ZDHHC18: variants seen among roughly 807,000 people sequenced by gnomAD.
The protein encoded by ZDHHC18 is zDHHC palmitoyltransferase 18.
Under a neutral mutation model 37.5 loss-of-function variants are expected in ZDHHC18, and 23 were observed. The ratio of observed to expected loss-of-function variants is 0.61; its 90% CI spans 0.44 to 0.87. The LOEUF (loss-of-function observed/expected upper bound fraction) is 0.87. ZDHHC18 is among the 40% of genes least tolerant of loss of function. The probability of loss-of-function intolerance (pLI) is 0.00; values close to 1 mark genes in which losing one functional copy is unlikely to be tolerated. For synonymous variants in ZDHHC18, 185 were observed against 218.7 expected (o/e 0.85, Z 1.36); for missense variants, 406 against 525.6 (o/e 0.77, Z 2.22).
intron 2 of ZDHHC18, among the ~76,000 whole-genome samples, chr1:26,844,772 G>A (rs1247094856): frequency 6.6e-6 from 1 of 152,090 alleles, no homozygotes; most frequent in African/African-American, 2.4e-5. Flanking sequence ...TTTCCTCGCT[G>A]ACTAATGAAT....
At chr1:26,838,434 C>T (rs1391279467) in intron 2 of ZDHHC18, among the ~76,000 whole-genome samples, 1 of 152,232 alleles carries the variant, frequency 6.6e-6, no homozygotes, top group Non-Finnish European at 1.5e-5. Context: ...CGAGCCACTG[C>T]ACTCGGCCTG....
At chr1:26,853,426 T>C (rs992404991) in intron 7 of ZDHHC18, among the ~76,000 whole-genome samples, 2 of 152,226 alleles carry the variant, frequency 1.3e-5, no homozygotes, top group African/African-American at 4.8e-5. Context: ...AGTCATCAAA[T>C]ACCTATTCAT....
chr1:26,835,088 G>A (rs1380640236), intron 2 of ZDHHC18, among the ~76,000 whole-genome samples: 1 of 152,230 alleles, frequency 6.6e-6, no homozygotes, highest in Non-Finnish European at 1.5e-5. Flanking sequence ...CAGGAGCTGT[G>A]CGGAGGCAGC....
Position 26,826,788 on chromosome 1 carries a change from G to A in ZDHHC18, c.-17G>A. The A allele has an allele frequency of 2.0e-6, 2 of 979,220 alleles. No individual in the cohort carries two copies. Among genetic ancestry groups the A allele is most frequent in the South Asian group, 9.1e-5 (2 of 22,076 alleles). The allele number at this position is 979,220 out of a possible 1,614,324, so 60.7% of individuals were successfully genotyped here. ...GCCGGCCCGCGGGGCGCGGAGCCGA[G>A]GCCCGCGGCTGGCTGCATGAAGGAC... On this transcript the variant is annotated 5_prime_UTR_variant, in exon 1 of 8. Transcript: ENST00000374142. The surrounding 1 kb of genome is among the most constrained non-coding windows in gnomAD (Gnocchi z 5.2).
intron 2 of ZDHHC18, among the ~76,000 whole-genome samples, chr1:26,837,202 G>A (rs2081615913): frequency 6.8e-6 from 1 of 147,418 alleles, no homozygotes; most frequent in South Asian, 2.1e-4. Flanking sequence ...GCAGTGAGCC[G>A]AGATGGCGCC....
At chr1:26,842,275 C>T (rs1315955579) in intron 2 of ZDHHC18, among the ~76,000 whole-genome samples, 6 of 152,228 alleles carry the variant, frequency 3.9e-5, no homozygotes, top group Admixed American at 3.9e-4. Flanking sequence ...CTATGCTTGG[C>T]CCTGTGAGTT....
At chr1:26,833,375 G>A (rs1230178485) in intron 2 of ZDHHC18, among the ~76,000 whole-genome samples, 1 of 152,142 alleles carries the variant, frequency 6.6e-6, no homozygotes, top group Non-Finnish European at 1.5e-5. Flanking sequence ...TGACGGTGGG[G>A]TTATCTAGGG....
rs2081699863 is a variant in ZDHHC18, at chr1:26,850,817, C to T, written c.833+211C>T. Among the ~76,000 whole-genome samples, 1 of 152,168 alleles carries T rather than the reference C, an allele frequency of 6.6e-6. No individual in the cohort carries two copies. Among genetic ancestry groups the T allele is most frequent in the Non-Finnish European group, 1.5e-5 (1 of 68,034 alleles). ...CCGGGGGTTCCTCGTCTTCAGGGGC[C>T]TGGAAAAGAGTATGTCCCTTAAGAT... On this transcript the variant is annotated intron_variant, in intron 5 of 7. Coordinates refer to ENST00000374142, the MANE Select transcript of ZDHHC18 (RefSeq NM_032283.3). The surrounding 1 kb of genome is among the most constrained non-coding windows in gnomAD (Gnocchi z 6.1).
At position 26,843,051 on chromosome 1, in the gene ZDHHC18, A is replaced by T. The variant is rs548175309; in HGVS notation, c.497-5557A>T. Among the ~76,000 whole-genome samples the T allele has an allele frequency of 2.6e-5, 4 of 152,186 alleles. No homozygotes were observed. The South Asian group carries it at 8.3e-4, about 32-fold the overall frequency. ...GGTGAAGTTTTGGGCTTTGCATATG[A>T]CACACCTAGGTTAGAGTCCTGCTCT... On this transcript the variant is annotated intron_variant, in intron 2 of 7. Transcript: ENST00000374142.
intron 2 of ZDHHC18, among the ~76,000 whole-genome samples, chr1:26,844,101 G>A (rs1399097407): frequency 2.6e-5 from 4 of 152,014 alleles, no homozygotes; most frequent in Non-Finnish European, 5.9e-5. Context: ...GTGCAATGGC[G>A]TGATTTCAGC....
chr1:26,844,926 G>GT (rs35017323), intron 2 of ZDHHC18, among the ~76,000 whole-genome samples: 301 of 140,926 alleles, frequency 2.1e-3, no homozygotes, highest in African/African-American at 3.7e-3. Flanking sequence ...TTTTTTTTTG[G>GT]TTTTTTTTTT....
rs570039229 is a variant in ZDHHC18, at chr1:26,856,472, G to T, written c.*2629G>T. 8.0e-6 allele frequency: 2 copies of T among 251,164 alleles called. No individual in the cohort carries two copies. The highest frequency in any genetic ancestry group is 3.5e-5 in the South Asian group (1 of 28,544). The allele number at this position is 251,164 out of a possible 1,614,324, so 15.6% of individuals were successfully genotyped here. Reference sequence around the variant, plus strand: ...GCAAGGCTAAAAGCCCAGCCCCATTGTGGACTGAGGAAGTAGCTTCTCGCA... The same window carrying T: ...GCAAGGCTAAAAGCCCAGCCCCATTTTGGACTGAGGAAGTAGCTTCTCGCA... On this transcript the variant is annotated 3_prime_UTR_variant, in exon 8 of 8. Coordinates refer to ENST00000374142, the MANE Select transcript of ZDHHC18 (RefSeq NM_032283.3). The surrounding 1 kb of genome is among the most constrained non-coding windows in gnomAD (Gnocchi z 5.2).
rs752222624 is a variant in ZDHHC18 at position 26,832,470 on chromosome 1, T to A, written c.359T>A (p.Leu120Gln). 4 of 1,614,160 alleles carry A rather than the reference T, an allele frequency of 2.5e-6. No individual in the cohort carries two copies. In the South Asian group the frequency reaches 4.4e-5, roughly 18 times the overall value. ...VFDCPYLARK[L>Q]TLAIPIIAAI... ...AGCTGTCCCTACCTGGCTCGCAAGC[T>A]GACCCTTGCCATCCCCATCATCGCT... is the stretch of plus-strand genomic sequence containing the variant. The change falls in exon 2 of 8, where the codon CTG (leucine) becomes CAG (glutamine). Residue 120 changes from leucine (L) to glutamine (Q), a missense_variant. Leu to Gln is a moderately radical substitution (Grantham distance 113). Transcript: ENST00000374142.
intron 3 of ZDHHC18, among the ~76,000 whole-genome samples, chr1:26,849,719 C>G (rs1391669323): frequency 2.0e-5 from 3 of 152,232 alleles, no homozygotes; most frequent in African/African-American, 4.8e-5. Flanking sequence ...CTGTGAACCC[C>G]ATTGCAGCTC....
chr1:26,830,704 A>C (rs2081585010), intron 1 of ZDHHC18, among the ~76,000 whole-genome samples: 1 of 152,128 alleles, frequency 6.6e-6, no homozygotes, highest in African/African-American at 2.4e-5. Context: ...AGTGTGCTGG[A>C]AATATAAAGC....
intron 2 of ZDHHC18, among the ~76,000 whole-genome samples, chr1:26,846,158 G>A (rs2081662997): frequency 6.9e-6 from 1 of 143,966 alleles, no homozygotes; most frequent in Admixed American, 7.0e-5. Context: ...ATATATACAT[G>A]TATATATGTC....
chr1:26,849,408 A>G (rs1448877007), intron 3 of ZDHHC18, among the ~76,000 whole-genome samples: 1 of 152,218 alleles, frequency 6.6e-6, no homozygotes, highest in Non-Finnish European at 1.5e-5. Flanking sequence ...GTGACTGTGC[A>G]TAGTTCCCAG....
chr1:26,826,952 AGCAGCG>A lies in ZDHHC18; in HGVS notation c.168_173del (p.Gly60_Ser61del), dbSNP rs878922433. ...CGCCCCCGCCCCGCCGCGCTGGAGC[AGCAGCG>A]GCAGCGGCAGCGGCAGCGGGAGCGG... is the stretch of plus-strand genomic sequence containing the variant. On this transcript the variant is annotated inframe_deletion, in exon 1 of 8. Coordinates refer to ENST00000374142, the MANE Select transcript of ZDHHC18 (RefSeq NM_032283.3). The surrounding 1 kb of genome is among the most constrained non-coding windows in gnomAD (Gnocchi z 5.2). The A allele has an allele frequency of 4.8e-3, 5,718 of 1,191,556 alleles. 16 individuals carry two copies. The highest frequency in any genetic ancestry group is 0.015 in the East Asian group (425 of 29,260). 73.8% of individuals were successfully genotyped at this position (1,191,556 alleles called of 1,614,324 possible).
intron 1 of ZDHHC18, 109 bp from the exon 2 acceptor site, chr1:26,832,338 A>G: frequency 7.1e-7 from 1 of 1,413,348 alleles, no homozygotes; most frequent in Non-Finnish European, 9.8e-7. Context: ...GGCTGTATTC[A>G]AGATTTTGGT....
Sources: gnomAD v4.1 joint callset for allele counts (sites outside exome capture counted in the v4.1 genomes callset) on GRCh38, gnomAD v4.1.1 for gene constraint, Gnocchi (gnomAD v3.1) non-coding constraint, MANE v1.5 for transcripts, NCBI Gene and HGNC (gene_info 2026-07-23, HGNC 2026-07-21) for gene names.